The following NUS1 variants were observed in gnomAD, a reference collection of about 807,000 sequenced individuals.
NUS1 encodes the protein dehydrodolichyl diphosphate synthase complex subunit NUS1.
For missense variants in NUS1, 292 were observed against 382.9 expected (o/e 0.76, Z 1.98); for synonymous variants, 135 against 155.2 (o/e 0.87, Z 0.97).
At chr6:117,683,541 G>A (rs1303380852) in intron 1 of NUS1, among the ~76,000 whole-genome samples, 1 of 152,082 alleles carries the variant, frequency 6.6e-6, no homozygotes, top group East Asian at 1.9e-4. Context: ...AAAGAGGTAG[G>A]CCAATTTTTA....
intron 1 of NUS1, among the ~76,000 whole-genome samples, chr6:117,692,576 T>A (rs1330156676): frequency 6.6e-6 from 1 of 152,130 alleles, no homozygotes; most frequent in Non-Finnish European, 1.5e-5. Flanking sequence ...CTTCCTCTTA[T>A]GATTTAAAAA....
chr6:117,688,661 A>G (rs1314298945), intron 1 of NUS1, among the ~76,000 whole-genome samples: 1 of 152,108 alleles, frequency 6.6e-6, no homozygotes, highest in Non-Finnish European at 1.5e-5. Context: ...AGCTAGCTTT[A>G]TTAGATAAGC....
chr6:117,700,237 C>T (rs1447436819), intron 3 of NUS1, among the ~76,000 whole-genome samples: 1 of 152,104 alleles, frequency 6.6e-6, no homozygotes, highest in Non-Finnish European at 1.5e-5. Flanking sequence ...TTGCAAACTA[C>T]TCATCTGACA....
At chr6:117,691,100 G>T (rs1773210699) in intron 1 of NUS1, among the ~76,000 whole-genome samples, 1 of 151,616 alleles carries the variant, frequency 6.6e-6, no homozygotes, top group Non-Finnish European at 1.5e-5. Context: ...TTCCTTTGTG[G>T]TAAATCCTTT....
intron 2 of NUS1, among the ~76,000 whole-genome samples, chr6:117,693,579 A>G (rs1354748494): frequency 6.6e-6 from 1 of 152,218 alleles, no homozygotes; most frequent in Non-Finnish European, 1.5e-5. Context: ...GATAGCTCCT[A>G]TAAAAGTAGA....
At chr6:117,686,026 C>T (rs1169393316) in intron 1 of NUS1, among the ~76,000 whole-genome samples, 1 of 150,546 alleles carries the variant, frequency 6.6e-6, no homozygotes, top group African/African-American at 2.4e-5. Context: ...CTTTGGGAGG[C>T]TGAGGCGGGC....
intron 1 of NUS1, among the ~76,000 whole-genome samples, chr6:117,689,679 G>A (rs1367780390): frequency 2.6e-5 from 4 of 151,658 alleles, no homozygotes; most frequent in African/African-American, 9.7e-5. Context: ...CTCCCACCTC[G>A]GCCTCCTGAA....
In NUS1 at chr6:117,710,660, T is replaced by C. The variant is rs937871336; in HGVS notation, c.*3645T>C. On this transcript the variant is annotated 3_prime_UTR_variant, in exon 5 of 5. Coordinates refer to ENST00000368494, the MANE Select transcript of NUS1 (RefSeq NM_138459.5). The stretch of plus-strand genomic sequence containing the variant: ...TAGAAATTGAGAGTCTTGCATTCTC[T>C]TTTGTATTTGATTATTGTGTCTGGA... 1.3e-5 allele frequency: 2 copies of C among 152,204 alleles called. No homozygotes were observed. Among genetic ancestry groups the C allele is most frequent in the Non-Finnish European group, 2.9e-5 (2 of 68,022 alleles). The allele number at this position is 152,204 out of a possible 1,614,324, so 9.4% of individuals were successfully genotyped here.
At chr6:117,676,139 C>G in intron 1 of NUS1, 54 bp downstream of exon 1, 2 of 1,548,194 alleles carry the variant, frequency 1.3e-6, no homozygotes, top group Non-Finnish European at 1.7e-6. Context: ...ACCGCTAGAC[C>G]GCTGGTCTGG....
intron 1 of NUS1, among the ~76,000 whole-genome samples, chr6:117,679,109 T>TA (rs1265382756): frequency 1.3e-5 from 2 of 152,192 alleles, no homozygotes; most frequent in East Asian, 3.8e-4. Context: ...TGGTGTCTCT[T>TA]AAAGAGTTTC....
chr6:117,678,179 G>T (rs1446889821), intron 1 of NUS1, among the ~76,000 whole-genome samples: 6 of 152,144 alleles, frequency 3.9e-5, no homozygotes, highest in Admixed American at 6.5e-5. Context: ...GAACTGAAAG[G>T]CACCTTAAGG....
chr6:117,689,642 G>T (rs1258010331), intron 1 of NUS1, among the ~76,000 whole-genome samples: 2 of 151,752 alleles, frequency 1.3e-5, no homozygotes, highest in African/African-American at 4.8e-5. Context: ...GCTCACTGCA[G>T]CCTTGAACTC....
At chr6:117,703,193 G>T (rs181023795) in intron 3 of NUS1, among the ~76,000 whole-genome samples, 38 of 152,290 alleles carry the variant, frequency 2.5e-4, no homozygotes, top group Admixed American at 1.6e-3. Context: ...TTTCGTCTCT[G>T]AAGTTATTCA....
rs1428402165 is a variant in NUS1, at chr6:117,693,144, A to G, written c.518A>G (p.Asn173Ser). 2 of 1,612,670 alleles carry G rather than the reference A, an allele frequency of 1.2e-6. No individual in the cohort carries two copies. Among genetic ancestry groups the G allele is most frequent in the Non-Finnish European group, 1.7e-6 (2 of 1,179,124 alleles). Residue 173 changes from asparagine (N) to serine (S), a missense_variant, in exon 2 of 5, where the codon AAT becomes AGT. Asn to Ser is a conservative substitution (Grantham distance 46). Coordinates refer to ENST00000368494, the MANE Select transcript of NUS1 (RefSeq NM_138459.5). The part of the protein sequence containing the change: ...DCSKYSPEFA[N>S]SNDKDDQVLN... ...TCAAAATACTCACCAGAATTTGCAA[A>G]TAGTAATGACAAAGATGATCAAGGT...
intron 3 of NUS1, among the ~76,000 whole-genome samples, chr6:117,695,211 A>G (rs1426620066): frequency 6.6e-5 from 10 of 151,294 alleles, no homozygotes; most frequent in African/African-American, 7.3e-5. Flanking sequence ...AAAAAAAAAA[A>G]AAAAAAAAAA....
intron 4 of NUS1, 88 bp downstream of exon 4, chr6:117,703,792 A>G: frequency 1.1e-6 from 1 of 881,858 alleles, no homozygotes; most frequent in African/African-American, 1.6e-5. Context: ...GGGGATTTCC[A>G]AAGAATTATA....
At chr6:117,687,118 T>C (rs1323829563) in intron 1 of NUS1, among the ~76,000 whole-genome samples, 1 of 152,166 alleles carries the variant, frequency 6.6e-6, no homozygotes, top group Non-Finnish European at 1.5e-5. Flanking sequence ...TGTATGAAAG[T>C]CTTTATAAGA....
At chr6:117,677,863 A>G (rs1264187236) in intron 1 of NUS1, among the ~76,000 whole-genome samples, 2 of 152,238 alleles carry the variant, frequency 1.3e-5, no homozygotes, top group African/African-American at 4.8e-5. Context: ...GCTTGGGGAA[A>G]AAAATAGGTG....
intron 3 of NUS1, among the ~76,000 whole-genome samples, chr6:117,697,405 A>G (rs1462192559): frequency 6.6e-6 from 1 of 152,104 alleles, no homozygotes; most frequent in Non-Finnish European, 1.5e-5. Flanking sequence ...TCTGTTGCCT[A>G]CCAGAAACAC....
Sources: gnomAD v4.1 joint callset for allele counts (sites outside exome capture counted in the v4.1 genomes callset) on GRCh38, gnomAD v4.1.1 for gene constraint, MANE v1.5 for transcripts, NCBI Gene and HGNC (gene_info 2026-07-23, HGNC 2026-07-21) for gene names.